Variants in MYO16 observed in about 807,000 individuals in gnomAD.
MYO16 encodes the protein unconventional myosin-XVI.
Under a neutral mutation model 205.3 loss-of-function variants are expected in MYO16, and 94 were observed. The ratio of observed to expected loss-of-function variants is 0.46; its 90% CI spans 0.39 to 0.54. MYO16 has a LOEUF of 0.54. Ranked by LOEUF, MYO16 falls within the 20% of genes least tolerant of loss-of-function variation. MYO16 has a pLI of 0.00. For synonymous variants in MYO16, 988 were observed against 954.0 expected (o/e 1.04, Z -0.66); for missense variants, 2,315 against 2,387.5 (o/e 0.97, Z 0.63).
At chr13:108,521,171 G>GA in the MYO16 span, among the ~76,000 whole-genome samples, 1 of 152,166 alleles carries the variant, frequency 6.6e-6, no homozygotes, top group Non-Finnish European at 1.5e-5. Flanking sequence ...GGGGAGGCTG[G>GA]AAATAAACAT....
intron 28 of MYO16, among the ~76,000 whole-genome samples, chr13:109,108,660 G>A (rs1889194880): frequency 6.6e-6 from 1 of 152,224 alleles, no homozygotes; most frequent in Non-Finnish European, 1.5e-5. Context: ...AATAATCACA[G>A]GTTAGGATCC....
intron 3 of MYO16, among the ~76,000 whole-genome samples, chr13:108,718,461 A>G (rs1315840686): frequency 6.6e-6 from 1 of 151,592 alleles, no homozygotes; most frequent in South Asian, 2.1e-4. Flanking sequence ...ACATCCTCCA[A>G]GGACCTCACA....
intron 34 of MYO16, among the ~76,000 whole-genome samples, chr13:109,180,620 A>G (rs1165283499): frequency 5.3e-5 from 8 of 152,246 alleles, no homozygotes; most frequent in Admixed American, 3.9e-4. Flanking sequence ...AGGCATGGCC[A>G]TATTATCAGC....
intron 7 of MYO16, among the ~76,000 whole-genome samples, chr13:108,814,727 A>C (rs886684009): frequency 2.8e-5 from 1 of 35,608 alleles, no homozygotes; most frequent in Admixed American, 5.2e-4. Context: ...CCTGTAGGGA[A>C]TCTAGCAATA....
At chr13:108,713,000 A>G (rs1275366377) in intron 3 of MYO16, among the ~76,000 whole-genome samples, 1 of 152,220 alleles carries the variant, frequency 6.6e-6, no homozygotes, top group Non-Finnish European at 1.5e-5. Context: ...TCAATTATAC[A>G]GTATTAGGCA....
chr13:108,886,561 A>G (rs1879898785), intron 13 of MYO16: 2 of 451,608 alleles, frequency 4.4e-6, no homozygotes, highest in Admixed American at 2.4e-5. Context: ...GAATACCACC[A>G]GAGCTTAGGG....
At chr13:108,934,410 TTGATGTC>T (rs1882389266) in intron 16 of MYO16, among the ~76,000 whole-genome samples, 1 of 152,214 alleles carries the variant, frequency 6.6e-6, no homozygotes, top group South Asian at 2.1e-4. Flanking sequence ...GAAGTGTCCG[TTGATGTC>T]TTTTGCTCAT....
At chr13:108,728,432 ATACCAAT>A (rs55676813) in intron 4 of MYO16, among the ~76,000 whole-genome samples, 65,910 of 151,602 alleles carry the variant, frequency 0.43, 15,239 homozygotes, top group Non-Finnish European at 0.54. Context: ...CATGCCTGCC[ATACCAAT>A]TACCGCCTAG....
chr13:108,918,752 A>G (rs146503004), intron 16 of MYO16, among the ~76,000 whole-genome samples: 1 of 152,314 alleles, frequency 6.6e-6, no homozygotes, highest in Non-Finnish European at 1.5e-5. Context: ...CAACCTGGCC[A>G]ACATGGTGAA....
chr13:108,558,897 A>C, the MYO16 span, among the ~76,000 whole-genome samples: 1 of 152,000 alleles, frequency 6.6e-6, no homozygotes, highest in African/African-American at 2.4e-5. Flanking sequence ...TATTTTTGTC[A>C]TTCGCTCATG....
intron 2 of MYO16, among the ~76,000 whole-genome samples, chr13:108,704,777 A>G (rs914397471): frequency 7.9e-5 from 12 of 152,116 alleles, no homozygotes; most frequent in African/African-American, 2.9e-4. Context: ...TCAAAAATGA[A>G]AAAAAGTAGT....
At chr13:109,114,409 G>A (rs565974913) in intron 28 of MYO16, among the ~76,000 whole-genome samples, 1 of 152,208 alleles carries the variant, frequency 6.6e-6, no homozygotes, top group Non-Finnish European at 1.5e-5. Flanking sequence ...GGAGCCTAGA[G>A]AGCTCCGATT....
chr13:108,759,512 G>A (rs1885526231), intron 4 of MYO16, among the ~76,000 whole-genome samples: 1 of 152,134 alleles, frequency 6.6e-6, no homozygotes, highest in Non-Finnish European at 1.5e-5. Flanking sequence ...GAAATGAGGT[G>A]AACAAAGTAT....
At chr13:109,018,970 T>G (rs1299307635) in intron 22 of MYO16, among the ~76,000 whole-genome samples, 2 of 150,064 alleles carry the variant, frequency 1.3e-5, no homozygotes, top group East Asian at 1.9e-4. Flanking sequence ...CTGTTTTTTT[T>G]TTTGTTTTTT....
rs568470210 is a variant in MYO16, at chr13:108,942,732, T to C, written c.1926-14956T>C. Among the ~76,000 whole-genome samples, 7 of 152,310 alleles carry C rather than the reference T, an allele frequency of 4.6e-5. 1 individual carries two copies. The East Asian group carries it at 1.4e-3, about 29-fold the overall frequency. ...TTAATTCCCCAATAATCTCAGTTCTTGGCACGTGTAGAAACCCAGTATTTT... is the reference window on the plus strand; with the variant it reads ...TTAATTCCCCAATAATCTCAGTTCTCGGCACGTGTAGAAACCCAGTATTTT... On this transcript the variant is annotated intron_variant, in intron 16 of 34. Coordinates refer to ENST00000457511, the MANE Select transcript of MYO16 (RefSeq NM_001198950.3).
intron 22 of MYO16, among the ~76,000 whole-genome samples, 194 bp downstream of exon 22, chr13:109,009,243 T>TAA (rs1566458688): frequency 1.3e-5 from 2 of 152,182 alleles, no homozygotes; most frequent in African/African-American, 2.4e-5. Flanking sequence ...ACCAATTCAT[T>TAA]AAAAGGACAA....
intron 18 of MYO16, 70 bp downstream of exon 18, chr13:108,961,726 C>A (rs7997366): frequency 8.1e-6 from 10 of 1,228,420 alleles, no homozygotes; most frequent in East Asian, 7.0e-5. Context: ...CAGTAGATGG[C>A]GACATAGTAC....
intron 15 of MYO16, among the ~76,000 whole-genome samples, chr13:108,900,537 C>G (rs373900200): frequency 6.6e-6 from 1 of 152,158 alleles, no homozygotes; most frequent in South Asian, 2.1e-4. Context: ...TAATTTCTTA[C>G]GCCTGTCTTT....
the MYO16 span, among the ~76,000 whole-genome samples, chr13:108,590,950 C>T: frequency 5.3e-5 from 8 of 152,142 alleles, no homozygotes; most frequent in Non-Finnish European, 1.2e-4. Flanking sequence ...CATGGCAGTC[C>T]TAGGAAATTA....
Sources: allele counts gnomAD v4.1 joint callset (sites outside exome capture counted in the v4.1 genomes callset), GRCh38; gene constraint gnomAD v4.1.1; transcripts MANE v1.5; gene names NCBI Gene and HGNC (gene_info 2026-07-23, HGNC 2026-07-21).